Variants in MYO1B observed in about 807,000 individuals in gnomAD.
The protein encoded by MYO1B is unconventional myosin-Ib.
MYO1B carries 72 observed loss-of-function variants against 159.7 expected under a neutral mutation model. The ratio of observed to expected loss-of-function variants is 0.45; its 90% confidence interval spans 0.37 to 0.55. MYO1B has a LOEUF of 0.55. MYO1B is among the 20% of genes least tolerant of loss of function. The pLI, the probability that MYO1B is intolerant of heterozygous loss-of-function variation, is 0.00. For synonymous variants in MYO1B, 468 were observed against 473.8 expected (o/e 0.99, Z 0.16); for missense variants, 1,062 against 1,364.8 (o/e 0.78, Z 3.50).
At chr2:191,395,556 A>G (rs1174695685) in intron 20 of MYO1B, among the ~76,000 whole-genome samples, 1 of 152,228 alleles carries the variant, frequency 6.6e-6, no homozygotes, top group Non-Finnish European at 1.5e-5. Context: ...GGATGCCCCC[A>G]TGTTTCAGTG....
chr2:191,401,595 A>G (rs1696620474), intron 23 of MYO1B: 1 of 152,238 alleles, frequency 6.6e-6, no homozygotes, highest in Admixed American at 6.5e-5. Flanking sequence ...AAAAATGTGT[A>G]TTCCAGTTAG....
chr2:191,281,154 T>C (rs1688034964), intron 2 of MYO1B, among the ~76,000 whole-genome samples: 1 of 152,232 alleles, frequency 6.6e-6, no homozygotes, highest in Non-Finnish European at 1.5e-5. Context: ...AAATATCTGT[T>C]CTTCACTTTG....
At chr2:191,312,840 G>A (rs1690087616) in intron 3 of MYO1B, among the ~76,000 whole-genome samples, 1 of 152,194 alleles carries the variant, frequency 6.6e-6, no homozygotes, top group Non-Finnish European at 1.5e-5. Flanking sequence ...TCACTTTGGA[G>A]ACCTGGCATT....
intron 1 of MYO1B, among the ~76,000 whole-genome samples, chr2:191,272,889 G>A (rs892085517): frequency 6.6e-6 from 1 of 152,046 alleles, no homozygotes; most frequent in African/African-American, 2.4e-5. Flanking sequence ...TTTGCTTTTT[G>A]GTGTATTATT....
intron 3 of MYO1B, among the ~76,000 whole-genome samples, chr2:191,316,920 G>A (rs1329956270): frequency 6.6e-6 from 1 of 152,190 alleles, no homozygotes; most frequent in Non-Finnish European, 1.5e-5. Context: ...CTTTGAAGAT[G>A]TATTCATTGA....
At chr2:191,341,972 CAG>C (rs1407325470) in intron 5 of MYO1B, among the ~76,000 whole-genome samples, 1 of 151,602 alleles carries the variant, frequency 6.6e-6, no homozygotes, top group Non-Finnish European at 1.5e-5. Flanking sequence ...TCATTTTTTC[CAG>C]AGTCATAGAA....
At chr2:191,421,337 T>G (rs554045416) in intron 30 of MYO1B, among the ~76,000 whole-genome samples, 2 of 152,246 alleles carry the variant, frequency 1.3e-5, no homozygotes, top group East Asian at 3.9e-4. Context: ...CCCAAAGTGC[T>G]GGGATTACTG....
rs768412984 is a variant in MYO1B, at chr2:191,423,881, T to C, written c.3332T>C (p.Ile1111Thr). The C allele has an allele frequency of 2.5e-6, 4 of 1,614,086 alleles. No homozygotes were observed. In the South Asian group the frequency reaches 3.3e-5, roughly 13 times the overall value. Residue 1111 changes from isoleucine (I) to threonine (T), a missense_variant, in exon 31 of 31, where the codon ATT (isoleucine) becomes ACT (threonine). Ile to Thr is a moderately conservative substitution (Grantham distance 89). Coordinates refer to ENST00000392318, the MANE Select transcript of MYO1B (RefSeq NM_001130158.3). ...CAGGACAAAGTATGTGTGAAGTTTA[T>C]TCAGGGAAACCAGAAAAATGGGAGT... is the stretch of plus-strand genomic sequence containing the variant. Reference protein sequence around the residue: ...FRQDKVCVKFIQGNQKNGSVP... With the variant: ...FRQDKVCVKFTQGNQKNGSVP...
chr2:191,262,021 T>C (rs1001057800), intron 1 of MYO1B, among the ~76,000 whole-genome samples: 1 of 152,196 alleles, frequency 6.6e-6, no homozygotes, highest in Admixed American at 6.5e-5. Context: ...TACTTTAGTC[T>C]TAAACGCTCC....
At chr2:191,269,370 G>A (rs1463716776) in intron 1 of MYO1B, among the ~76,000 whole-genome samples, 1 of 152,156 alleles carries the variant, frequency 6.6e-6, no homozygotes, top group Non-Finnish European at 1.5e-5. Flanking sequence ...TTTTGTGTAT[G>A]TACCATATTT....
intron 2 of MYO1B, among the ~76,000 whole-genome samples, chr2:191,283,838 T>C (rs1688205248): frequency 1.3e-5 from 2 of 152,232 alleles, no homozygotes; most frequent in Non-Finnish European, 2.9e-5. Flanking sequence ...TATTGAAGAA[T>C]GTGTAGGTTT....
chr2:191,318,162 T>TG (rs1053449360), intron 3 of MYO1B, among the ~76,000 whole-genome samples: 2 of 152,104 alleles, frequency 1.3e-5, no homozygotes, highest in Admixed American at 1.3e-4. Flanking sequence ...CTGTAATAGA[T>TG]GTAGAAATAG....
Position 191,381,058 on chromosome 2 carries a change from C to T in MYO1B, c.1186-404C>T, listed in dbSNP as rs117502208. ...TCCCTGGATGGGGACAATAAGGGGT[C>T]AGTTCAGGGGGACTTCCTTGAGCTC... On this transcript the variant is annotated intron_variant, in intron 13 of 30. Coordinates refer to ENST00000392318, the MANE Select transcript of MYO1B (RefSeq NM_001130158.3). 2.7e-5 allele frequency: 8 copies of T among 294,420 alleles called. No individual in the cohort carries two copies. In the East Asian group the frequency reaches 6.8e-4, roughly 25 times the overall value. 18.2% of individuals were successfully genotyped at this position (294,420 alleles called of 1,614,324 possible).
chr2:191,297,436 G>T (rs13420864), intron 3 of MYO1B, among the ~76,000 whole-genome samples: 3,421 of 152,282 alleles, frequency 0.022, 115 homozygotes, highest in African/African-American at 0.076. Flanking sequence ...TGGGAATAAC[G>T]TATGCAAAAG....
chr2:191,301,737 A>G (rs751374975), intron 3 of MYO1B, among the ~76,000 whole-genome samples: 5 of 152,230 alleles, frequency 3.3e-5, no homozygotes, highest in African/African-American at 4.8e-5. Flanking sequence ...TCGATACTTA[A>G]TCTCCTTCCA....
intron 1 of MYO1B, chr2:191,263,052 TTTC>T (rs1266722459): frequency 6.6e-6 from 1 of 152,228 alleles, no homozygotes; most frequent in Admixed American, 6.5e-5. Flanking sequence ...TCTCTCATTC[TTTC>T]TTCTTTCATT....
At chr2:191,301,651 A>T (rs1044579549) in intron 3 of MYO1B, among the ~76,000 whole-genome samples, 1 of 152,258 alleles carries the variant, frequency 6.6e-6, no homozygotes, top group African/African-American at 2.4e-5. Context: ...TTGTATCTGC[A>T]AATATTCCCA....
intron 1 of MYO1B, among the ~76,000 whole-genome samples, chr2:191,266,996 T>A (rs1687183631): frequency 6.6e-6 from 1 of 152,158 alleles, no homozygotes; most frequent in Non-Finnish European, 1.5e-5. Context: ...GGTGGTTGAT[T>A]AAGGGTATCT....
intron 1 of MYO1B, chr2:191,248,120 A>G (rs1331278000): frequency 1.6e-6 from 1 of 641,456 alleles, no homozygotes; most frequent in Non-Finnish European, 1.9e-6. Flanking sequence ...TACTGTTTTC[A>G]ATAGCTGAAC....
Sources: gnomAD v4.1 joint callset for allele counts (sites outside exome capture counted in the v4.1 genomes callset) on GRCh38, gnomAD v4.1.1 for gene constraint, MANE v1.5 for transcripts, NCBI Gene and HGNC (gene_info 2026-07-23, HGNC 2026-07-21) for gene names.